The following LRIG1 variants were observed in gnomAD, a reference collection of about 807,000 sequenced individuals.
LRIG1 encodes the protein leucine-rich repeats and immunoglobulin-like domains protein 1.
In LRIG1, 48 loss-of-function variants were observed where a neutral mutation model predicts 99.2. That is an observed-to-expected ratio of 0.48 (90% CI 0.38 to 0.62). LRIG1 has a LOEUF of 0.62. Ranked by LOEUF, LRIG1 falls within the 20% of genes least tolerant of loss-of-function variation. LRIG1 has a pLI of 0.00. For synonymous variants in LRIG1, 772 were observed against 596.1 expected (o/e 1.29, Z -4.30); for missense variants, 1,646 against 1,434.4 (o/e 1.15, Z -2.38).
At position 66,413,071 on chromosome 3, in the gene LRIG1, C is replaced by T. The variant is rs1702520607; in HGVS notation, c.648-57G>A. ...TCTTATGTGCATATCCCACCCACAACCATTCTGAAGCAGTCCTGGCTAAGT... is the reference window on the plus strand; with the variant it reads ...TCTTATGTGCATATCCCACCCACAATCATTCTGAAGCAGTCCTGGCTAAGT... On this transcript the variant is annotated intron_variant, in intron 5 of 18. Transcript: ENST00000273261. 62 of 1,597,338 alleles carry T rather than the reference C, an allele frequency of 3.9e-5. 3 individuals are homozygous for T. The South Asian group carries it at 6.7e-4, about 17-fold the overall frequency.
intron 3 of LRIG1, among the ~76,000 whole-genome samples, chr3:66,420,148 T>C (rs1236356145): frequency 6.6e-6 from 1 of 152,178 alleles, no homozygotes; most frequent in African/African-American, 2.4e-5. Flanking sequence ...GAATTGAACA[T>C]TGTTCCAAAG....
At chr3:66,426,983 T>C (rs1468387286) in intron 3 of LRIG1, among the ~76,000 whole-genome samples, 2 of 152,212 alleles carry the variant, frequency 1.3e-5, no homozygotes, top group African/African-American at 2.4e-5. Flanking sequence ...TCTTACTTAA[T>C]GAATAAGCGA....
In LRIG1 at chr3:66,463,305, C is replaced by A. The variant is rs1005272393; in HGVS notation, c.219-796G>T. On this transcript the variant is annotated intron_variant, in intron 1 of 18. Transcript: ENST00000273261. Reference sequence around the variant, plus strand: ...TATGAACACAGTATTCCCACCTACACTGAATAAACCGGGAGGGACAGTCAC... The same window carrying A: ...TATGAACACAGTATTCCCACCTACAATGAATAAACCGGGAGGGACAGTCAC... 1.9e-4 allele frequency among the ~76,000 whole-genome samples: 29 copies of A among 152,210 alleles called. 1 individual carries two copies. Among genetic ancestry groups the A allele is most frequent in the Non-Finnish European group, 1.9e-4 (13 of 68,026 alleles).
chr3:66,383,939 C>T (rs1701233230), intron 14 of LRIG1, 52 bp downstream of exon 14: 1 of 1,556,876 alleles, frequency 6.4e-7, no homozygotes, highest in African/African-American at 1.5e-5. Flanking sequence ...GAGAGTCTCT[C>T]TCTCTCGCTC....
chr3:66,433,147 A>T (rs1243558827), intron 3 of LRIG1, among the ~76,000 whole-genome samples: 2 of 152,226 alleles, frequency 1.3e-5, no homozygotes, highest in Non-Finnish European at 2.9e-5. Flanking sequence ...TCTCCAGGGA[A>T]CAAAAGAAAC....
At chr3:66,488,783 G>C (rs891385033) in intron 1 of LRIG1, among the ~76,000 whole-genome samples, 4 of 152,206 alleles carry the variant, frequency 2.6e-5, no homozygotes, top group African/African-American at 7.2e-5. Flanking sequence ...TGCCCTTCCT[G>C]TGGCCATGAC....
chr3:66,499,906 TGCTG>T lies in LRIG1; in HGVS notation c.218+280_218+283del, dbSNP rs1398129811. 3.7e-5 allele frequency among the ~76,000 whole-genome samples: 5 copies of T among 133,842 alleles called. No homozygotes were observed. In the South Asian group the frequency reaches 8.0e-4, roughly 22 times the overall value. 87.8% of individuals were successfully genotyped at this position (133,842 alleles called of 152,430 possible). On this transcript the variant is annotated intron_variant, in intron 1 of 18. Coordinates refer to ENST00000273261, the MANE Select transcript of LRIG1 (RefSeq NM_015541.3). The stretch of plus-strand genomic sequence containing the variant: ...ACCCCCAGATGGCCCGCACGACGCG[TGCTG>T]GCTAACCCCCAAATCTCTACGACCC...
chr3:66,477,101 T>C (rs1700740325), intron 1 of LRIG1, among the ~76,000 whole-genome samples: 2 of 152,206 alleles, frequency 1.3e-5, no homozygotes, highest in African/African-American at 2.4e-5. Flanking sequence ...CATAAAAATA[T>C]ACTTAAGCAG....
chr3:66,494,050 G>A (rs1701173917), intron 1 of LRIG1, among the ~76,000 whole-genome samples: 1 of 152,104 alleles, frequency 6.6e-6, no homozygotes, highest in African/African-American at 2.4e-5. Flanking sequence ...ATCTGGCTTG[G>A]AGAGACTGGC....
At chr3:66,405,685 G>A (rs969088018) in intron 8 of LRIG1, 13 of 1,083,658 alleles carry the variant, frequency 1.2e-5, no homozygotes, top group South Asian at 2.3e-5. Flanking sequence ...GGACATGACC[G>A]AGAAACTGCA....
intron 3 of LRIG1, among the ~76,000 whole-genome samples, chr3:66,418,954 TA>T (rs1702711936): frequency 6.6e-6 from 1 of 152,188 alleles, no homozygotes; most frequent in Non-Finnish European, 1.5e-5. Context: ...TTGAGTTCTT[TA>T]TTAAGTTCTT....
At position 66,399,020 on chromosome 3, in the gene LRIG1, G is replaced by A; in HGVS notation, c.1182C>T (p.Ile394=). ...AGAATGCTCTCTTAGCCACAGACTT[G>A]ATCTTGTTTCCAAACAGAGTCCTGT... ...LSKLTLFGNK[I]KSVAKRAFSG... is the part of the protein sequence containing the mutation. Residue 394 remains isoleucine (I), a synonymous_variant, in exon 10 of 19, where the codon ATC becomes ATT. Coordinates refer to ENST00000273261, the MANE Select transcript of LRIG1 (RefSeq NM_015541.3). 6.2e-7 allele frequency: 1 copy of A among 1,614,188 alleles called. No individual in the cohort carries two copies. The highest frequency in any genetic ancestry group is 8.5e-7 in the Non-Finnish European group (1 of 1,180,002).
At chr3:66,452,272 T>G (rs1157344607) in intron 2 of LRIG1, among the ~76,000 whole-genome samples, 1 of 152,000 alleles carries the variant, frequency 6.6e-6, no homozygotes, top group African/African-American at 2.4e-5. Context: ...CAGACGAGAG[T>G]TGCTCTCCAA....
Position 66,380,508 on chromosome 3 carries a change from C to T in LRIG1, c.3056-19G>A, listed in dbSNP as rs773469959. On this transcript the variant is annotated intron_variant, in intron 18 of 18. Coordinates refer to ENST00000273261, the MANE Select transcript of LRIG1 (RefSeq NM_015541.3). The stretch of plus-strand genomic sequence containing the variant: ...GAATCCCCTACAAGGAAAGAACGAA[C>T]CTGTCAGACCCCCACTTGACCGTTT... 7 of 1,614,062 alleles carry T rather than the reference C, an allele frequency of 4.3e-6. 1 individual carries two copies. The South Asian group carries it at 6.6e-5, about 15-fold the overall frequency.
chr3:66,474,186 G>T (rs1700664678), intron 1 of LRIG1, among the ~76,000 whole-genome samples: 1 of 152,152 alleles, frequency 6.6e-6, no homozygotes. Flanking sequence ...GATGCTGCAT[G>T]CGACCTCCAT....
chr3:66,403,279 A>G (rs1232548506), intron 9 of LRIG1, among the ~76,000 whole-genome samples: 1 of 152,234 alleles, frequency 6.6e-6, no homozygotes, highest in Non-Finnish European at 1.5e-5. Flanking sequence ...TTTGCCACAT[A>G]ACCATGATAG....
At chr3:66,468,363 A>G (rs1211257688) in intron 1 of LRIG1, among the ~76,000 whole-genome samples, 2 of 152,176 alleles carry the variant, frequency 1.3e-5, no homozygotes, top group East Asian at 3.8e-4. Context: ...CCATGGCTCC[A>G]TTTTTCAACA....
At chr3:66,392,568 T>C (rs1395129281) in intron 12 of LRIG1, among the ~76,000 whole-genome samples, 1 of 148,144 alleles carries the variant, frequency 6.8e-6, no homozygotes, top group Non-Finnish European at 1.5e-5. Context: ...TGCCAAGTGT[T>C]TTCATGATTC....
chr3:66,497,392 A>G (rs1701250890), intron 1 of LRIG1, among the ~76,000 whole-genome samples: 1 of 152,188 alleles, frequency 6.6e-6, no homozygotes, highest in Non-Finnish European at 1.5e-5. Flanking sequence ...CTGAGTTCTA[A>G]GAAGTTCAAC....
Sources: allele counts gnomAD v4.1 joint callset (sites outside exome capture counted in the v4.1 genomes callset), GRCh38; gene constraint gnomAD v4.1.1; transcripts MANE v1.5; gene names NCBI Gene and HGNC (gene_info 2026-07-23, HGNC 2026-07-21).